Variants in MAPT observed in about 807,000 individuals in gnomAD.
The protein encoded by MAPT is microtubule-associated protein tau.
In MAPT, 34 loss-of-function variants were observed where a neutral mutation model predicts 67.9. The ratio of observed to expected loss-of-function variants is 0.50; its 90% confidence interval spans 0.38 to 0.67. The LOEUF is 0.67. Among genes scored for constraint, MAPT ranks in the 30% least tolerant of loss-of-function variants. The pLI, the probability that MAPT is intolerant of heterozygous loss-of-function variation, is 0.00. For missense variants in MAPT, 881 were observed against 1,115.2 expected (o/e 0.79, Z 2.99); for synonymous variants, 456 against 464.5 (o/e 0.98, Z 0.23).
At chr17:45,958,421 G>C (rs1015864544) in intron 1 of MAPT, among the ~76,000 whole-genome samples, 3 of 152,152 alleles carry the variant, frequency 2.0e-5, no homozygotes, top group African/African-American at 7.2e-5. Flanking sequence ...GAACAGACAA[G>C]CAAAAAGAAT....
chr17:45,903,788 T>G (rs1262343179), intron 1 of MAPT, among the ~76,000 whole-genome samples: 3 of 72,356 alleles, frequency 4.1e-5, no homozygotes, highest in African/African-American at 9.2e-5. Flanking sequence ...TATTAAAATA[T>G]AATATATATA....
intron 2 of MAPT, among the ~76,000 whole-genome samples, chr17:45,964,730 TC>T (rs1271463086): frequency 1.3e-5 from 2 of 151,548 alleles, no homozygotes; most frequent in African/African-American, 4.9e-5. Context: ...CCTCACTGTG[TC>T]CCCCTCCACT....
At chr17:46,018,597 C>G (rs750403805) in intron 11 of MAPT, 21 bp from the exon 12 acceptor site, 1 of 1,516,106 alleles carries the variant, frequency 6.6e-7, no homozygotes, top group Non-Finnish European at 9.2e-7. Context: ...GCAAGATGCT[C>G]TTGTGTGTGT....
intron 12 of MAPT, 137 bp from the exon 13 acceptor site, chr17:46,023,819 C>G: frequency 1.3e-6 from 1 of 745,292 alleles, no homozygotes; most frequent in Non-Finnish European, 2.4e-6. Flanking sequence ...CTAGCCTGGG[C>G]GATAGAGCAA....
intron 9 of MAPT, among the ~76,000 whole-genome samples, chr17:46,005,799 T>C (rs1390766092): frequency 6.6e-6 from 1 of 152,192 alleles, no homozygotes; most frequent in Non-Finnish European, 1.5e-5. Flanking sequence ...CAGGAGAGAA[T>C]TTCAACATTC....
chr17:45,955,543 G>A (rs2069539836), intron 1 of MAPT, among the ~76,000 whole-genome samples: 1 of 152,176 alleles, frequency 6.6e-6, no homozygotes, highest in Admixed American at 6.5e-5. Flanking sequence ...CAGCCAGCGT[G>A]TCCAGTGGTT....
At chr17:45,974,164 G>A in intron 3 of MAPT, 2 of 587,572 alleles carry the variant, frequency 3.4e-6, no homozygotes, top group Non-Finnish European at 6.1e-6. Context: ...TGGTGGATGA[G>A]CTGGGCGGTT....
At position 45,996,279 on chromosome 17, in the gene MAPT, C is replaced by T. The variant is rs2074461128; in HGVS notation, c.1733-120C>T. On this transcript the variant is annotated intron_variant, in intron 8 of 12. Transcript: ENST00000262410. The surrounding 1 kb of genome is among the most constrained non-coding windows in gnomAD (Gnocchi z 4.5). ...TGCTGTAGCTGCGCTTCCAACCTGG[C>T]TTCCACCTGCCTAACCCAGTGGTGA... 4.4e-6 allele frequency: 5 copies of T among 1,131,372 alleles called. No individual in the cohort carries two copies. In the East Asian group the frequency reaches 7.1e-5, roughly 16 times the overall value. The allele number at this position is 1,131,372 out of a possible 1,614,324, so 70.1% of individuals were successfully genotyped here. A position where few individuals can be genotyped will look rare whatever the true frequency, so the allele number is the denominator to read the frequency against.
At chr17:46,016,113 C>T (rs761805849) in intron 11 of MAPT, among the ~76,000 whole-genome samples, 11 of 152,148 alleles carry the variant, frequency 7.2e-5, no homozygotes, top group Admixed American at 1.3e-4. Flanking sequence ...TGCTCTGGGC[C>T]GGCTGTGGTG....
chr17:46,007,373 G>T (rs759074211), intron 9 of MAPT, among the ~76,000 whole-genome samples: 1 of 152,118 alleles, frequency 6.6e-6, no homozygotes, highest in South Asian at 2.1e-4. Context: ...GGTAGTTCCA[G>T]CTACTTGGGA....
In MAPT at chr17:45,971,560, A is replaced by G. The variant is rs1442093311; in HGVS notation, c.134-299A>G. Among the ~76,000 whole-genome samples the G allele has an allele frequency of 6.8e-6, 1 of 146,536 alleles. No individual in the cohort carries two copies. The highest frequency in any genetic ancestry group is 1.6e-5 in the Non-Finnish European group (1 of 64,158). On this transcript the variant is annotated intron_variant, in intron 2 of 12. Transcript: ENST00000262410. This position sits in a 1 kb window ranked among gnomAD's most constrained non-coding sequence, Gnocchi z 4.3. ...TGCTGCCCGTTGACCAATGGAAGAT[A>G]AACCTTTGCCTCAGGTGGCACCACT...
chr17:46,012,235 A>G (rs954072229), intron 10 of MAPT, among the ~76,000 whole-genome samples: 4 of 152,018 alleles, frequency 2.6e-5, no homozygotes, highest in Non-Finnish European at 5.9e-5. Context: ...TGCGTGGCCA[A>G]CCCCTCTGGG....
chr17:45,955,703 G>C (rs543156903), intron 1 of MAPT, among the ~76,000 whole-genome samples: 1 of 151,884 alleles, frequency 6.6e-6, no homozygotes, highest in Admixed American at 6.6e-5. Flanking sequence ...AGGGGAGAAC[G>C]GCTCACACGG....
At chr17:45,989,280 C>A (rs2145734387) in intron 6 of MAPT, among the ~76,000 whole-genome samples, 1 of 152,308 alleles carries the variant, frequency 6.6e-6, no homozygotes, top group African/African-American at 2.4e-5. Context: ...TCTCCAAATT[C>A]AGGGGCACAG....
chr17:45,906,118 G>A lies in MAPT; in HGVS notation c.-18+11432G>A, dbSNP rs2064291320. ...CTGTCCCCTTCTTTGGAAGGAAGGA[G>A]CCCCAAACCAGGGTGCAAGACAGTG... On this transcript the variant is annotated intron_variant, in intron 1 of 12. Transcript: ENST00000262410. This position sits in a 1 kb window ranked among gnomAD's most constrained non-coding sequence, Gnocchi z 4.3. 6.6e-6 allele frequency among the ~76,000 whole-genome samples: 1 copy of A among 152,138 alleles called. No individual in the cohort carries two copies. Among genetic ancestry groups the A allele is most frequent in the African/African-American group, 2.4e-5 (1 of 41,410 alleles).
chr17:46,011,203 C>T (rs2075798080), intron 10 of MAPT, among the ~76,000 whole-genome samples: 1 of 152,046 alleles, frequency 6.6e-6, no homozygotes, highest in Non-Finnish European at 1.5e-5. Context: ...TCAAGACCAG[C>T]CTGGGCAACA....
At chr17:45,980,021 G>A (rs777488452) in intron 4 of MAPT, 27 of 152,320 alleles carry the variant, frequency 1.8e-4, no homozygotes, top group Admixed American at 3.9e-4. Flanking sequence ...GCCTGTATAC[G>A]AGGGGTGGAC....
At position 45,906,401 on chromosome 17, in the gene MAPT, G is replaced by T. The variant is rs1050437055; in HGVS notation, c.-18+11715G>T. ...CAGTGTTTAGCATGTGACAGGAATC[G>T]ATTAAGGCATGAGTGATTAAATTAA... On this transcript the variant is annotated intron_variant, in intron 1 of 12. Coordinates refer to ENST00000262410, the MANE Select transcript of MAPT (RefSeq NM_001377265.1). This position sits in a 1 kb window ranked among gnomAD's most constrained non-coding sequence, Gnocchi z 4.3. Among the ~76,000 whole-genome samples, 1 of 152,186 alleles carries T rather than the reference G, an allele frequency of 6.6e-6. No homozygotes were observed. The highest frequency in any genetic ancestry group is 1.5e-5 in the Non-Finnish European group (1 of 68,028).
intron 1 of MAPT, among the ~76,000 whole-genome samples, chr17:45,909,039 C>T (rs1014612053): frequency 1.3e-4 from 20 of 152,208 alleles, no homozygotes; most frequent in Admixed American, 1.3e-3. Context: ...CCGAGCATGG[C>T]CTGCATAGGC....
Sources: allele counts gnomAD v4.1 joint callset (sites outside exome capture counted in the v4.1 genomes callset), GRCh38; gene constraint gnomAD v4.1.1; non-coding constraint Gnocchi (gnomAD v3.1); transcripts MANE v1.5; gene names NCBI Gene and HGNC (gene_info 2026-07-23, HGNC 2026-07-21).